SDC2: variants seen among roughly 807,000 people sequenced by gnomAD.
SDC2 encodes syndecan 2.
In SDC2, 13 loss-of-function variants were observed where a neutral mutation model predicts 22.2. The ratio of observed to expected loss-of-function variants is 0.59; its 90% confidence interval spans 0.38 to 0.93. The LOEUF (loss-of-function observed/expected upper bound fraction) is 0.93. SDC2 is among the 40% of genes least tolerant of loss of function. SDC2 has a pLI of 0.00. For missense variants in SDC2, 235 were observed against 246.8 expected, an observed-to-expected ratio of 0.95 and a Z score of 0.32; for synonymous variants, 94 against 92.8, an observed-to-expected ratio of 1.01 and a Z score of -0.07.
At chr8:96,522,990 CT>C (rs1813520682) in intron 1 of SDC2, among the ~76,000 whole-genome samples, 3 of 152,256 alleles carry the variant, frequency 2.0e-5, no homozygotes, top group African/African-American at 7.2e-5. Context: ...CTGCTTGTTA[CT>C]TGGCGTTTGG....
intron 1 of SDC2, among the ~76,000 whole-genome samples, chr8:96,556,663 T>TA (rs1387060312): frequency 3.3e-5 from 5 of 151,994 alleles, no homozygotes; most frequent in Non-Finnish European, 7.4e-5. Flanking sequence ...CCTAAAACCA[T>TA]AAAAACCCTA....
intron 2 of SDC2, among the ~76,000 whole-genome samples, chr8:96,596,473 C>A (rs535939106): frequency 5.3e-5 from 8 of 152,180 alleles, no homozygotes; most frequent in Non-Finnish European, 1.0e-4. Flanking sequence ...AAACATGAAA[C>A]CCTTCATAAG....
chr8:96,512,589 A>G (rs528223058), intron 1 of SDC2, among the ~76,000 whole-genome samples: 1 of 152,322 alleles, frequency 6.6e-6, no homozygotes, highest in South Asian at 2.1e-4. Flanking sequence ...GACCCAGACA[A>G]GAAAGGAAAG....
At chr8:96,503,148 A>T (rs1813190937) in intron 1 of SDC2, among the ~76,000 whole-genome samples, 1 of 152,208 alleles carries the variant, frequency 6.6e-6, no homozygotes, top group Non-Finnish European at 1.5e-5. Flanking sequence ...GGGACAGGAC[A>T]AATCCGTGTT....
At chr8:96,582,775 G>A (rs1814610039) in intron 1 of SDC2, among the ~76,000 whole-genome samples, 1 of 152,194 alleles carries the variant, frequency 6.6e-6, no homozygotes, top group African/African-American at 2.4e-5. Flanking sequence ...CAGGGCTCAA[G>A]TGCAGGCATC....
intron 1 of SDC2, among the ~76,000 whole-genome samples, chr8:96,536,078 C>A (rs1813750032): frequency 6.6e-6 from 1 of 152,042 alleles, no homozygotes; most frequent in Non-Finnish European, 1.5e-5. Flanking sequence ...CATGGACTTG[C>A]CCCTTGAGGA....
At chr8:96,597,578 A>T (rs1243830535) in intron 2 of SDC2, among the ~76,000 whole-genome samples, 1 of 152,232 alleles carries the variant, frequency 6.6e-6, no homozygotes, top group Non-Finnish European at 1.5e-5. Flanking sequence ...ACAGCCACTT[A>T]CAGGAAGAAA....
At chr8:96,565,206 T>C (rs1393347056) in intron 1 of SDC2, among the ~76,000 whole-genome samples, 1 of 149,820 alleles carries the variant, frequency 6.7e-6, no homozygotes, top group Non-Finnish European at 1.5e-5. Flanking sequence ...TGCCTCAGCC[T>C]CCCGAGTAGC....
intron 1 of SDC2, among the ~76,000 whole-genome samples, chr8:96,517,857 G>A (rs1358778728): frequency 2.0e-5 from 3 of 151,526 alleles, no homozygotes; most frequent in African/African-American, 7.3e-5. Flanking sequence ...CCTTAATTTA[G>A]GTGATTAGGG....
At chr8:96,608,883 T>C (rs558470826) in intron 4 of SDC2, among the ~76,000 whole-genome samples, 1 of 152,220 alleles carries the variant, frequency 6.6e-6, no homozygotes, top group Non-Finnish European at 1.5e-5. Context: ...AGAACGTTGT[T>C]TCTATTTTAA....
At chr8:96,585,853 GTTTTTTTTTTTTTTTTT>G (rs199970598) in intron 1 of SDC2, among the ~76,000 whole-genome samples, 3 of 145,428 alleles carry the variant, frequency 2.1e-5, no homozygotes, top group African/African-American at 7.7e-5. Context: ...CTGGCAAGAG[GTTTTTTTTTTTTTTTTT>G]TTTTTTTTGG....
chr8:96,498,271 T>C (rs1179641160), intron 1 of SDC2, among the ~76,000 whole-genome samples: 5 of 152,102 alleles, frequency 3.3e-5, no homozygotes, highest in Admixed American at 2.6e-4. Flanking sequence ...TCTAGTGATC[T>C]TTCCGTTCAT....
chr8:96,588,729 G>A (rs1438388651), intron 1 of SDC2, among the ~76,000 whole-genome samples: 1 of 152,204 alleles, frequency 6.6e-6, no homozygotes, highest in Non-Finnish European at 1.5e-5. Context: ...TTGTTAACCT[G>A]AGTTAAAACC....
chr8:96,543,127 T>C (rs1813878444), intron 1 of SDC2, among the ~76,000 whole-genome samples: 1 of 152,210 alleles, frequency 6.6e-6, no homozygotes, highest in Admixed American at 6.5e-5. Flanking sequence ...AGTTAGGATT[T>C]GAAAGTCTTG....
At chr8:96,498,109 C>T (rs1813102311) in intron 1 of SDC2, among the ~76,000 whole-genome samples, 1 of 152,216 alleles carries the variant, frequency 6.6e-6, no homozygotes, top group African/African-American at 2.4e-5. Flanking sequence ...AAGCCCTGGA[C>T]TCATTCATCT....
intron 1 of SDC2, among the ~76,000 whole-genome samples, chr8:96,573,419 C>T (rs1342958186): frequency 2.6e-5 from 1 of 39,210 alleles, no homozygotes; most frequent in Non-Finnish European, 6.6e-5. Flanking sequence ...ATTGCTAAGG[C>T]TCAGGTTCCA....
intron 1 of SDC2, among the ~76,000 whole-genome samples, chr8:96,508,120 C>T (rs1041748222): frequency 7.2e-5 from 11 of 152,096 alleles, no homozygotes; most frequent in South Asian, 2.1e-4. Context: ...CACAGTGAAA[C>T]GCCATCTCTA....
rs114936594 is a variant in SDC2, at chr8:96,542,345, A to G, written c.60+48014A>G. 5.4e-3 allele frequency among the ~76,000 whole-genome samples: 815 copies of G among 152,314 alleles called. 8 individuals are homozygous for G. The highest frequency in any genetic ancestry group is 0.018 in the African/African-American group (747 of 41,558). ...TCATCTTGGACTATAAATTCAGAGA[A>G]GATGTGGGCTATGCACTTTGACCTT... On this transcript the variant is annotated intron_variant, in intron 1 of 4. Transcript: ENST00000302190.
intron 1 of SDC2, 24 bp downstream of exon 1, chr8:96,494,355 C>T (rs1415088070): frequency 1.3e-6 from 2 of 1,536,302 alleles, no homozygotes; most frequent in Non-Finnish European, 1.7e-6. Context: ...GCGGAGGATG[C>T]GCGCGCCGTT....
Sources: gnomAD v4.1 joint callset for allele counts (sites outside exome capture counted in the v4.1 genomes callset) on GRCh38, gnomAD v4.1.1 for gene constraint, MANE v1.5 for transcripts, NCBI Gene and HGNC (gene_info 2026-07-23, HGNC 2026-07-21) for gene names.